ATP8B4: variants seen among roughly 807,000 people sequenced by gnomAD.
The protein encoded by ATP8B4 is probable phospholipid-transporting ATPase IM.
Under a neutral mutation model 145.6 loss-of-function variants are expected in ATP8B4, and 133 were observed. The ratio of observed to expected loss-of-function variants is 0.91; its 90% confidence interval spans 0.79 to 1.05. The LOEUF is 1.05. Ranked by LOEUF, ATP8B4 falls within the 50% of genes least tolerant of loss-of-function variation. ATP8B4 has a pLI of 0.00. For missense variants in ATP8B4, 1,458 were observed against 1,425.2 expected (o/e 1.02, Z -0.37); for synonymous variants, 507 against 492.9 (o/e 1.03, Z -0.38).
intron 3 of ATP8B4, among the ~76,000 whole-genome samples, chr15:50,073,005 TATATATATATATATACAC>T (rs1413571881): frequency 0.052 from 3,030 of 57,858 alleles, 179 homozygotes; most frequent in East Asian, 0.11. Flanking sequence ...TATATATATA[TATATATATATATATACAC>T]ACACACACAC....
intron 3 of ATP8B4, among the ~76,000 whole-genome samples, chr15:50,055,381 T>C (rs2052523513): frequency 6.6e-6 from 1 of 152,232 alleles, no homozygotes; most frequent in Admixed American, 6.5e-5. Context: ...ATCAGTTTGC[T>C]TTTTAAATAA....
At chr15:49,949,222 G>C (rs2042846962) in intron 14 of ATP8B4, among the ~76,000 whole-genome samples, 1 of 152,182 alleles carries the variant, frequency 6.6e-6, no homozygotes, top group Non-Finnish European at 1.5e-5. Context: ...ATGGTAGTTT[G>C]ATGGGAATAG....
intron 1 of ATP8B4, among the ~76,000 whole-genome samples, chr15:50,145,005 G>T (rs1378723956): frequency 6.6e-6 from 1 of 150,392 alleles, no homozygotes; most frequent in East Asian, 1.9e-4. Flanking sequence ...GAAAAGCAGT[G>T]ACTGATATTA....
At position 50,178,407 on chromosome 15, in the gene ATP8B4, A is replaced by T. The variant is rs536688745; in HGVS notation, c.-43+3854T>A. On this transcript the variant is annotated intron_variant, in intron 1 of 3. Coordinates refer to the ATP8B4 transcript ENST00000558829. ...TGGAATTTATGTTACTGAATAGACA[A>T]ACTTGTATAAAAACAATTTCTATAT... Among the ~76,000 whole-genome samples, 6 of 152,362 alleles carry T rather than the reference A, an allele frequency of 3.9e-5. No individual in the cohort carries two copies. In the South Asian group the frequency reaches 1.2e-3, roughly 32 times the overall value.
rs2140852001 is a variant in ATP8B4, at chr15:50,165,157, C to G, written c.-43+17104G>C. Reference sequence around the variant, plus strand: ...CTCTGTCTCCCAGGTTCAAGCAATTCTCCTGCCTCAGCCTCTCAAGTAGCT... The same window carrying G: ...CTCTGTCTCCCAGGTTCAAGCAATTGTCCTGCCTCAGCCTCTCAAGTAGCT... On this transcript the variant is annotated intron_variant, in intron 1 of 3. Transcript: ENST00000558829. 1.3e-5 allele frequency among the ~76,000 whole-genome samples: 2 copies of G among 152,060 alleles called. 1 individual carries two copies. Among genetic ancestry groups the G allele is most frequent in the South Asian group, 4.2e-4 (2 of 4,808 alleles).
intron 7 of ATP8B4, among the ~76,000 whole-genome samples, chr15:50,003,273 C>CGCGTGTGTGT (rs1491248763): frequency 2.3e-5 from 2 of 85,886 alleles, no homozygotes; most frequent in African/African-American, 4.6e-5. Flanking sequence ...ATAGGGTGTG[C>CGCGTGTGTGT]ATGTGTGTGT....
At chr15:49,916,881 TTCCC>T in intron 20 of ATP8B4, 49 bp downstream of exon 20, 4 of 1,518,696 alleles carry the variant, frequency 2.6e-6, no homozygotes, top group Non-Finnish European at 3.6e-6. Context: ...CTGATCTTTT[TTCCC>T]TCCCTCCCTC....
intron 2 of ATP8B4, among the ~76,000 whole-genome samples, chr15:50,080,974 G>A (rs904006474): frequency 1.3e-5 from 2 of 152,104 alleles, no homozygotes; most frequent in Non-Finnish European, 2.9e-5. Context: ...TTAGCCAGGC[G>A]TGGTGGCGGG....
chr15:50,146,145 TG>T (rs144350663), intron 1 of ATP8B4, among the ~76,000 whole-genome samples: 4,369 of 152,020 alleles, frequency 0.029, 82 homozygotes, highest in South Asian at 0.072. Flanking sequence ...CCCGAGTAGC[TG>T]GGATTACAGG....
At position 50,167,854 on chromosome 15, in the gene ATP8B4, A is replaced by C. The variant is rs577446663; in HGVS notation, c.-43+14407T>G. 7.2e-5 allele frequency among the ~76,000 whole-genome samples: 11 copies of C among 152,352 alleles called. No individual in the cohort carries two copies. In the South Asian group the frequency reaches 2.3e-3, roughly 32 times the overall value. ...ATCTGTACATAGTATACTTTAAATA[A>C]ACAGCAAATGAATACATTAATATGT... On this transcript the variant is annotated intron_variant, in intron 1 of 3. Transcript: ENST00000558829.
At chr15:50,037,522 A>G (rs1375068540) in intron 6 of ATP8B4, among the ~76,000 whole-genome samples, 1 of 152,268 alleles carries the variant, frequency 6.6e-6, no homozygotes, top group Non-Finnish European at 1.5e-5. Flanking sequence ...CCCACCTTAC[A>G]GAGGAGAAAT....
At chr15:50,037,773 T>C (rs1168519400) in intron 6 of ATP8B4, among the ~76,000 whole-genome samples, 3 of 152,224 alleles carry the variant, frequency 2.0e-5, no homozygotes, top group African/African-American at 7.2e-5. Flanking sequence ...TGGTTTTAAC[T>C]TAAGATCATT....
At chr15:50,147,694 C>CT (rs1187474224) in intron 1 of ATP8B4, among the ~76,000 whole-genome samples, 1 of 151,894 alleles carries the variant, frequency 6.6e-6, no homozygotes, top group East Asian at 1.9e-4. Flanking sequence ...CAGGAGCCAA[C>CT]CAAGATCAAT....
rs1468338869 is a variant in ATP8B4 at position 49,860,645 on chromosome 15, G to A, written c.3298-170C>T. On this transcript the variant is annotated intron_variant, in intron 27 of 27. Coordinates refer to ENST00000284509, the MANE Select transcript of ATP8B4 (RefSeq NM_024837.4). The stretch of plus-strand genomic sequence containing the variant: ...TTTTCCACCCAAAAGATAACACTGG[G>A]GGGGCACTGGTCCATTTTTATCTCT... 4.6e-5 allele frequency among the ~76,000 whole-genome samples: 7 copies of A among 152,202 alleles called. No individual in the cohort carries two copies. The East Asian group carries it at 1.4e-3, about 29-fold the overall frequency.
chr15:49,972,709 T>C lies in ATP8B4; in HGVS notation c.1116A>G (p.Ala372=). Residue 372 remains alanine (A), a synonymous_variant, in exon 13 of 28, where the codon GCA becomes GCG. Coordinates refer to ENST00000284509, the MANE Select transcript of ATP8B4 (RefSeq NM_024837.4). ...KMYYSRKAIP[A]VARTTTLNEE... ...CATTGAGCGTGGTCGTTCGAGCCAC[T>C]GCAGGTATTGCTTTTCGAGAATAAT... is the stretch of plus-strand genomic sequence containing the variant. The C allele has an allele frequency of 6.2e-7, 1 of 1,614,102 alleles. No individual in the cohort carries two copies. The highest frequency in any genetic ancestry group is 2.2e-5 in the East Asian group (1 of 44,872).
intron 3 of ATP8B4, among the ~76,000 whole-genome samples, chr15:50,058,907 C>T (rs1415544398): frequency 6.7e-6 from 1 of 150,348 alleles, no homozygotes; most frequent in Non-Finnish European, 1.5e-5. Flanking sequence ...GAATAGAAGA[C>T]CAGGAAATAC....
chr15:49,874,731 A>ATTCTT (rs1261098143), intron 25 of ATP8B4, among the ~76,000 whole-genome samples: 1 of 152,188 alleles, frequency 6.6e-6, no homozygotes. Context: ...AGCGACAAGA[A>ATTCTT]GTCACTTGAA....
In ATP8B4 at chr15:50,011,594, C is replaced by T. The variant is rs371397831; in HGVS notation, c.363-677G>A. 7.9e-5 allele frequency among the ~76,000 whole-genome samples: 12 copies of T among 152,238 alleles called. No homozygotes were observed. The East Asian group carries it at 1.9e-3, about 25-fold the overall frequency. On this transcript the variant is annotated intron_variant, in intron 6 of 27. Transcript: ENST00000284509. ...TGGAGCCCCAAGACCACCCTCCACC[C>T]AGTTCAAAGGGGTTTATTATGAAAA...
chr15:50,013,744 A>C (rs1346728891), intron 6 of ATP8B4, among the ~76,000 whole-genome samples: 1 of 152,198 alleles, frequency 6.6e-6, no homozygotes, highest in Non-Finnish European at 1.5e-5. Context: ...AATTTTTTAA[A>C]AATATGCCAC....
Sources: allele counts gnomAD v4.1 joint callset (sites outside exome capture counted in the v4.1 genomes callset), GRCh38; gene constraint gnomAD v4.1.1; transcripts MANE v1.5; gene names NCBI Gene and HGNC (gene_info 2026-07-23, HGNC 2026-07-21).